The following BOD1L1 variants were observed in gnomAD, a reference collection of about 807,000 sequenced individuals.
The protein encoded by BOD1L1 is biorientation of chromosomes in cell division protein 1-like 1.
In BOD1L1, 86 loss-of-function variants were observed where a neutral mutation model predicts 240.7. The ratio of observed to expected loss-of-function variants is 0.36; its 90% CI spans 0.30 to 0.43. The LOEUF (loss-of-function observed/expected upper bound fraction) is 0.43, where lower values mean the gene tolerates loss of function less well. Among genes scored for constraint, BOD1L1 ranks in the 20% least tolerant of loss-of-function variants. The probability of loss-of-function intolerance (pLI) is 1.00; values close to 1 mark genes in which losing one functional copy is unlikely to be tolerated. For synonymous variants in BOD1L1, 1,268 were observed against 1,272.3 expected, an observed-to-expected ratio of 1.00 and a Z score of 0.07; for missense variants, 3,554 against 3,643.5, an observed-to-expected ratio of 0.98 and a Z score of 0.63.
At position 13,604,267 on chromosome 4, in the gene BOD1L1, A is replaced by C. The variant is rs1469447006; in HGVS notation, c.2633T>G (p.Met878Arg). 1 of 1,611,180 alleles carries C rather than the reference A, an allele frequency of 6.2e-7. No homozygotes were observed. The highest frequency in any genetic ancestry group is 1.1e-5 in the South Asian group (1 of 89,842). ...ATTACTATCCATGTTAGTGGAGTCCATATCACACTTATCTTCCGAATAACT... is the reference window on the plus strand; with the variant it reads ...ATTACTATCCATGTTAGTGGAGTCCCTATCACACTTATCTTCCGAATAACT... The part of the protein sequence containing the change: ...SESYSEDKCD[M>R]DSTNMDSNLK... The change falls in exon 10 of 26, where the codon ATG becomes AGG. Residue 878 changes from methionine to arginine, a missense_variant. By Grantham distance (91) the Met-to-Arg change is moderately conservative. Around this residue, in one of 2 missense-constraint regions of BOD1L1, gnomAD observed 3,393 missense variants for 3,427.1 expected, o/e 0.99. Coordinates refer to ENST00000040738, the MANE Select transcript of BOD1L1 (RefSeq NM_148894.3).
chr4:13,604,725 C>T lies in BOD1L1; in HGVS notation c.2175G>A (p.Lys725=). The T allele has an allele frequency of 6.2e-7, 1 of 1,609,940 alleles. No individual in the cohort carries two copies. The highest frequency in any genetic ancestry group is 8.5e-7 in the Non-Finnish European group (1 of 1,179,052). ...SLLKKEVKSS[K]EKPEREKTPS... is the part of the protein sequence containing the mutation. Reference sequence around the variant, plus strand: ...GAGTTTTCTCTCTTTCAGGCTTCTCCTTGGAGGATTTCACCTCTTTCTTAA... The same window carrying T: ...GAGTTTTCTCTCTTTCAGGCTTCTCTTTGGAGGATTTCACCTCTTTCTTAA... The change falls in exon 10 of 26, where the codon AAG becomes AAA. Residue 725 remains lysine, a synonymous_variant. Coordinates refer to ENST00000040738, the MANE Select transcript of BOD1L1 (RefSeq NM_148894.3).
intron 10 of BOD1L1, among the ~76,000 whole-genome samples, 172 bp from the exon 11 acceptor site, chr4:13,597,340 G>A (rs1438878936): frequency 6.6e-6 from 1 of 152,156 alleles, no homozygotes; most frequent in Non-Finnish European, 1.5e-5. Flanking sequence ...AAAAGAATCT[G>A]GATGAAAGGC....
chr4:13,570,163 T>G, intron 25 of BOD1L1, 35 bp from the exon 26 acceptor site: 2 of 1,416,470 alleles, frequency 1.4e-6, no homozygotes, highest in South Asian at 1.4e-5. Flanking sequence ...TGGTGAGGTT[T>G]AAAAGCAGCT....
chr4:13,574,172 T>A (rs867073937), intron 25 of BOD1L1, among the ~76,000 whole-genome samples: 1 of 151,898 alleles, frequency 6.6e-6, no homozygotes, highest in South Asian at 2.1e-4. Context: ...TGAACACAAG[T>A]CAGAGAATGC....
chr4:13,585,254 C>T (rs1005689321), intron 17 of BOD1L1, among the ~76,000 whole-genome samples: 5 of 152,090 alleles, frequency 3.3e-5, no homozygotes, highest in South Asian at 4.1e-4. Context: ...TTTAGTTCTT[C>T]GGTTACTGGG....
intron 25 of BOD1L1, among the ~76,000 whole-genome samples, chr4:13,575,155 G>A (rs973595153): frequency 6.6e-6 from 1 of 151,788 alleles, no homozygotes. Flanking sequence ...TCCTGACCTC[G>A]TGATCCGCCG....
At chr4:13,625,919 G>A (rs1717352948) in intron 1 of BOD1L1, 1 of 152,088 alleles carries the variant, frequency 6.6e-6, no homozygotes, top group African/African-American at 2.4e-5. Context: ...AGATGTACCA[G>A]GATATTCAAG....
intron 17 of BOD1L1, among the ~76,000 whole-genome samples, chr4:13,584,554 T>G (rs977927538): frequency 6.6e-6 from 1 of 151,850 alleles, no homozygotes; most frequent in Admixed American, 6.6e-5. Flanking sequence ...CATCTACACT[T>G]TTATCTGTTT....
chr4:13,593,420 T>C (rs774209035), intron 12 of BOD1L1: 4 of 152,166 alleles, frequency 2.6e-5, no homozygotes, highest in African/African-American at 7.2e-5. Flanking sequence ...AAAGTAATGA[T>C]GGGTGCCTGC....
chr4:13,607,132 G>A lies in BOD1L1; in HGVS notation c.1800C>T (p.Thr600=), dbSNP rs994220104. The A allele has an allele frequency of 1.3e-6, 2 of 1,566,562 alleles. No homozygotes were observed. Among genetic ancestry groups the A allele is most frequent in the Admixed American group, 1.9e-5 (1 of 52,824 alleles). ...TAAGGCATACCTCACTTGTTTTAAG[G>A]GTTTCTTTGGAATCTTCTTCATATT... ...KQQYEEDSKE[T]LKTSEHCEKE... Residue 600 remains threonine, a synonymous_variant, in exon 9 of 26, where the codon ACC becomes ACT. Coordinates refer to ENST00000040738, the MANE Select transcript of BOD1L1 (RefSeq NM_148894.3).
In BOD1L1 at chr4:13,614,821, A is replaced by G. The variant is rs1350408540; in HGVS notation, c.560-11T>C. ...CAGGAGTAGGAACACCTTAAAGAAAAACAGAAGTTTTAGAATACATTTAAT... is the reference window on the plus strand; with the variant it reads ...CAGGAGTAGGAACACCTTAAAGAAAGACAGAAGTTTTAGAATACATTTAAT... On this transcript the variant is annotated splice_polypyrimidine_tract_variant and intron_variant, in intron 3 of 25. Coordinates refer to ENST00000040738, the MANE Select transcript of BOD1L1 (RefSeq NM_148894.3). 3 of 1,587,284 alleles carry G rather than the reference A, an allele frequency of 1.9e-6. No individual in the cohort carries two copies. Among genetic ancestry groups the G allele is most frequent in the South Asian group, 1.1e-5 (1 of 87,150 alleles).
chr4:13,617,604 T>C (rs1716714317), intron 2 of BOD1L1, among the ~76,000 whole-genome samples: 1 of 152,240 alleles, frequency 6.6e-6, no homozygotes, highest in African/African-American at 2.4e-5. Flanking sequence ...CTAAGTTCGT[T>C]ATTCAGTTAC....
In BOD1L1 at chr4:13,609,465, T is replaced by C. The variant is rs994509727; in HGVS notation, c.1492-59A>G. The C allele has an allele frequency of 1.5e-5, 17 of 1,149,122 alleles. 1 individual carries two copies. The South Asian group carries it at 2.6e-4, about 17-fold the overall frequency. 71.2% of individuals were successfully genotyped at this position (1,149,122 alleles called of 1,614,324 possible). On this transcript the variant is annotated intron_variant, in intron 6 of 25. Coordinates refer to ENST00000040738, the MANE Select transcript of BOD1L1 (RefSeq NM_148894.3). Reference sequence around the variant, plus strand: ...GCAAAGGCAAAAACACACTGAAAAATTGTATTTTTTTTAAAGTTTTAGTTT... The same window carrying C: ...GCAAAGGCAAAAACACACTGAAAAACTGTATTTTTTTTAAAGTTTTAGTTT...
At position 13,586,403 on chromosome 4, in the gene BOD1L1, T is replaced by C. The variant is rs758064696; in HGVS notation, c.8426A>G (p.Asp2809Gly). 1.9e-6 allele frequency: 3 copies of C among 1,610,756 alleles called. No individual in the cohort carries two copies. The Admixed American group carries it at 5.0e-5, about 27-fold the overall frequency. ...AATATGTGGAAAAAATACCTTTGTG[T>C]CATGTGGCTCCGTTTCAGGACACTG... ...QRQCPETEPH[D>G]TKEENSRDLE... Residue 2809 changes from aspartate (D) to glycine (G), a missense_variant, in exon 17 of 26, where the codon GAC (aspartate) becomes GGC (glycine). By Grantham distance (94) the Asp-to-Gly change is moderately conservative (BLOSUM62 -1). This residue lies in a region of BOD1L1 where 3,393 missense variants were observed against 3,427.1 expected (regional missense o/e 0.99). Coordinates refer to ENST00000040738, the MANE Select transcript of BOD1L1 (RefSeq NM_148894.3).
chr4:13,574,611 G>A (rs1227308906), intron 25 of BOD1L1, among the ~76,000 whole-genome samples: 3 of 152,184 alleles, frequency 2.0e-5, no homozygotes, highest in Admixed American at 1.3e-4. Context: ...TTCCACAACT[G>A]TTTTAAAGGG....
intron 6 of BOD1L1, among the ~76,000 whole-genome samples, chr4:13,610,204 T>C (rs1394608494): frequency 6.6e-6 from 1 of 152,226 alleles, no homozygotes; most frequent in African/African-American, 2.4e-5. Context: ...AACAATAAGG[T>C]AGTAATTTTC....
At chr4:13,620,888 T>C (rs1263364250) in intron 1 of BOD1L1, among the ~76,000 whole-genome samples, 5 of 152,194 alleles carry the variant, frequency 3.3e-5, no homozygotes, top group African/African-American at 1.2e-4. Context: ...GCAATGGTTC[T>C]CTACCAAGAA....
intron 24 of BOD1L1, 140 bp downstream of exon 24, chr4:13,577,263 G>T: frequency 1.3e-6 from 1 of 783,754 alleles, no homozygotes; most frequent in Non-Finnish European, 2.0e-6. Flanking sequence ...TTTCTGACAC[G>T]GGATTAGACC....
chr4:13,611,145 A>G (rs757334661), intron 5 of BOD1L1, 45 bp from the exon 6 acceptor site: 6 of 1,427,374 alleles, frequency 4.2e-6, no homozygotes, highest in East Asian at 4.6e-5. Flanking sequence ...GTGAATTAGC[A>G]TAAAATCAAC....
Sources: allele counts gnomAD v4.1 joint callset (sites outside exome capture counted in the v4.1 genomes callset), GRCh38; gene constraint gnomAD v4.1.1; regional missense constraint gnomAD v4.1.1; transcripts MANE v1.5; gene names NCBI Gene and HGNC (gene_info 2026-07-23, HGNC 2026-07-21).